The following PIK3CD variants were observed in gnomAD, a reference collection of about 807,000 sequenced individuals.
PIK3CD encodes phosphatidylinositol-4,5-bisphosphate 3-kinase catalytic subunit delta.
A neutral mutation model predicts 122.9 loss-of-function variants in PIK3CD; 20 were observed. The ratio of observed to expected loss-of-function variants is 0.16; its 90% CI spans 0.11 to 0.24. The LOEUF is 0.24. Ranked by LOEUF, PIK3CD falls within the 10% of genes least tolerant of loss-of-function variation. PIK3CD has a pLI of 1.00. For missense variants in PIK3CD, 787 were observed against 1,406.3 expected (o/e 0.56, Z 7.04); for synonymous variants, 596 against 593.4 (o/e 1.00, Z -0.06).
At chr1:9,649,124 A>C (rs201037445), upstream of PIK3CD, among the ~76,000 whole-genome samples, 2 of 97,604 alleles carry the variant, frequency 2.0e-5, no homozygotes, top group Admixed American at 1.0e-4. Context: ...AACAAACAAA[A>C]AAAGCAAAAA....
Position 9,710,660 on chromosome 1 carries a change from GATAGAC to G in PIK3CD, c.141+66_141+71del. The G allele has an allele frequency of 6.9e-7, 1 of 1,443,748 alleles. No homozygotes were observed. Among genetic ancestry groups the G allele is most frequent in the Non-Finnish European group, 9.7e-7 (1 of 1,035,642 alleles). 89.4% of individuals were successfully genotyped at this position (1,443,748 alleles called of 1,614,324 possible). A position where few individuals can be genotyped will look rare whatever the true frequency, so the allele number is the denominator to read the frequency against. On this transcript the variant is annotated intron_variant, in intron 3 of 23. Coordinates refer to ENST00000377346, the MANE Select transcript of PIK3CD (RefSeq NM_005026.5). This position sits in a 1 kb window ranked among gnomAD's most constrained non-coding sequence, Gnocchi z 4.7. ...AGAGAGAGAGAGAGAGAGAGACACA[GATAGAC>G]AGACAGACAGACAGACAGATGGACA...
chr1:9,669,744 C>T (rs530654938), intron 1 of PIK3CD, among the ~76,000 whole-genome samples: 1 of 152,222 alleles, frequency 6.6e-6, no homozygotes, highest in South Asian at 2.1e-4. Context: ...CTCTTTACTG[C>T]TGACCTGCTG....
At chr1:9,711,967 G>C (rs1348790498) in intron 3 of PIK3CD, among the ~76,000 whole-genome samples, 16 of 151,536 alleles carry the variant, frequency 1.1e-4, no homozygotes, top group Admixed American at 1.1e-3. Flanking sequence ...CGCCATCTCG[G>C]CTCGCTGCAA....
In PIK3CD at chr1:9,728,621, G is replaced by C. The variant is rs1342717389; in HGVS notation, c.*1575G>C. 2 of 152,280 alleles carry C rather than the reference G, an allele frequency of 1.3e-5. No individual in the cohort carries two copies. Among genetic ancestry groups the C allele is most frequent in the African/African-American group, 4.8e-5 (2 of 41,476 alleles). The allele number at this position is 152,280 out of a possible 1,614,324, so 9.4% of individuals were successfully genotyped here. A position where few individuals can be genotyped will look rare whatever the true frequency, so the allele number is the denominator to read the frequency against. The stretch of plus-strand genomic sequence containing the variant: ...CTCCCTGGCCACACGCCTGTTCCCA[G>C]CAAGTGCTGAAACTCACTAGACCGT... On this transcript the variant is annotated 3_prime_UTR_variant, in exon 24 of 24. Coordinates refer to ENST00000377346, the MANE Select transcript of PIK3CD (RefSeq NM_005026.5).
chr1:9,715,244 C>T lies in PIK3CD; in HGVS notation c.142-297C>T, dbSNP rs1056180668. ...GGGCTGCATGAAGGTCATGGCCCCC[C>T]GTCTCTGGAGTGACCTAGGGTGGTC... On this transcript the variant is annotated intron_variant, in intron 3 of 23. Transcript: ENST00000377346. The surrounding 1 kb of genome is among the most constrained non-coding windows in gnomAD (Gnocchi z 4.1). 6.6e-6 allele frequency among the ~76,000 whole-genome samples: 1 copy of T among 152,188 alleles called. No homozygotes were observed. The highest frequency in any genetic ancestry group is 2.4e-5 in the African/African-American group (1 of 41,450).
In PIK3CD at chr1:9,655,885, C is replaced by T. The variant is rs552405427; in HGVS notation, c.-138+4083C>T. Among the ~76,000 whole-genome samples the T allele has an allele frequency of 3.9e-5, 6 of 152,010 alleles. 1 individual carries two copies. Among genetic ancestry groups the T allele is most frequent in the African/African-American group, 9.6e-5 (4 of 41,460 alleles). On this transcript the variant is annotated intron_variant, in intron 1 of 23. Coordinates refer to ENST00000377346, the MANE Select transcript of PIK3CD (RefSeq NM_005026.5). ...CTATTTTTAGTATTTTTAGCAGTGA[C>T]GGTGTTTTGCCATGTTGGCCAGGCT...
At chr1:9,662,797 TC>T (rs1645046237) in intron 1 of PIK3CD, among the ~76,000 whole-genome samples, 1 of 152,098 alleles carries the variant, frequency 6.6e-6, no homozygotes, top group African/African-American at 2.4e-5. Context: ...CTAGCAATTC[TC>T]CTGTCTCAGC....
chr1:9,684,256 G>C (rs371199749), intron 1 of PIK3CD, among the ~76,000 whole-genome samples: 2 of 152,142 alleles, frequency 1.3e-5, no homozygotes, highest in Non-Finnish European at 2.9e-5. Context: ...AGCAATGCAG[G>C]CTGGGCGCAG....
At chr1:9,682,360 T>C (rs542649649) in intron 1 of PIK3CD, among the ~76,000 whole-genome samples, 1 of 152,034 alleles carries the variant, frequency 6.6e-6, no homozygotes, top group South Asian at 2.1e-4. Context: ...TGTCTCAGCC[T>C]CCTGAGTAGC....
At chr1:9,634,146 GTT>G in the PIK3CD span, among the ~76,000 whole-genome samples, 15 of 116,670 alleles carry the variant, frequency 1.3e-4, no homozygotes, top group Admixed American at 7.7e-4. Context: ...TAATTTTTGG[GTT>G]GTTTTTTTTT....
Position 9,723,254 on chromosome 1 carries a change from G to A in PIK3CD, c.2556G>A (p.Lys852=), listed in dbSNP as rs764701569. 1 of 1,614,034 alleles carries A rather than the reference G, an allele frequency of 6.2e-7. No homozygotes were observed. The highest frequency in any genetic ancestry group is 1.1e-5 in the South Asian group (1 of 91,082). ...TGGCAGCCACAGCCGCCTTCAACAA[G>A]GATGCCCTGCTCAACTGGCTGAAGT... is the stretch of plus-strand genomic sequence containing the variant. ...SNMAATAAFN[K]DALLNWLKSK... Residue 852 remains lysine (K), a synonymous_variant, in exon 20 of 24, where the codon AAG becomes AAA. Coordinates refer to ENST00000377346, the MANE Select transcript of PIK3CD (RefSeq NM_005026.5). This position sits in a 1 kb window ranked among gnomAD's most constrained non-coding sequence, Gnocchi z 4.9.
the PIK3CD span, among the ~76,000 whole-genome samples, chr1:9,642,496 T>C: frequency 6.7e-6 from 1 of 148,746 alleles, no homozygotes; most frequent in Non-Finnish European, 1.5e-5. Context: ...GGCGGGTGGA[T>C]CACGAGGTCA....
chr1:9,671,340 C>A lies in PIK3CD; in HGVS notation c.-138+19538C>A, dbSNP rs1296534906. Reference sequence around the variant, plus strand: ...TCTCCAACTCCTGGGCCCAAGAGATCCACCCACCTTGGCCTTCCAAAGTGC... The same window carrying A: ...TCTCCAACTCCTGGGCCCAAGAGATACACCCACCTTGGCCTTCCAAAGTGC... On this transcript the variant is annotated intron_variant, in intron 1 of 23. Coordinates refer to ENST00000377346, the MANE Select transcript of PIK3CD (RefSeq NM_005026.5). 2.6e-5 allele frequency among the ~76,000 whole-genome samples: 4 copies of A among 152,190 alleles called. No individual in the cohort carries two copies. The South Asian group carries it at 6.2e-4, about 24-fold the overall frequency.
At chr1:9,647,248 T>C (rs936456915), upstream of PIK3CD, among the ~76,000 whole-genome samples, 2 of 150,748 alleles carry the variant, frequency 1.3e-5, no homozygotes, top group African/African-American at 4.9e-5. Flanking sequence ...ACCCTGTCTC[T>C]ACAAAAAAAT....
At position 9,715,836 on chromosome 1, in the gene PIK3CD, C is replaced by A. The variant is rs778337244; in HGVS notation, c.371-13C>A. ...CTGCCCCACCCGCTGACCCAGCCCTCCCCACCCCGCAGGCCTCCACGAGTT... is the reference window on the plus strand; with the variant it reads ...CTGCCCCACCCGCTGACCCAGCCCTACCCACCCCGCAGGCCTCCACGAGTT... On this transcript the variant is annotated splice_polypyrimidine_tract_variant and intron_variant, in intron 4 of 23. Coordinates refer to ENST00000377346, the MANE Select transcript of PIK3CD (RefSeq NM_005026.5). The surrounding 1 kb of genome is among the most constrained non-coding windows in gnomAD (Gnocchi z 4.1). 1.2e-6 allele frequency: 2 copies of A among 1,602,030 alleles called. No homozygotes were observed. Among genetic ancestry groups the A allele is most frequent in the Admixed American group, 3.3e-5 (2 of 59,946 alleles).
chr1:9,725,973 A>G (rs1649494003), intron 23 of PIK3CD, among the ~76,000 whole-genome samples: 1 of 152,096 alleles, frequency 6.6e-6, no homozygotes, highest in Non-Finnish European at 1.5e-5. Context: ...GCACTTTGGG[A>G]GGCTGAGGCA....
the PIK3CD span, among the ~76,000 whole-genome samples, chr1:9,636,948 A>T: frequency 6.6e-6 from 1 of 150,986 alleles, no homozygotes; most frequent in African/African-American, 2.4e-5. Flanking sequence ...CCCAGGCTGG[A>T]ATGCAGTGGC....
intron 1 of PIK3CD, among the ~76,000 whole-genome samples, chr1:9,675,430 C>T (rs1356834064): frequency 2.0e-5 from 3 of 148,568 alleles, no homozygotes; most frequent in Non-Finnish European, 4.5e-5. Context: ...TTGGTAAGTA[C>T]TACTGTGATT....
intron 1 of PIK3CD, among the ~76,000 whole-genome samples, chr1:9,685,422 G>A (rs1259711680): frequency 2.6e-5 from 4 of 151,422 alleles, no homozygotes; most frequent in African/African-American, 7.3e-5. Flanking sequence ...GCAGTGGCTC[G>A]ATCTGGGCTC....
Sources: gnomAD v4.1 joint callset for allele counts (sites outside exome capture counted in the v4.1 genomes callset) on GRCh38, gnomAD v4.1.1 for gene constraint, Gnocchi (gnomAD v3.1) non-coding constraint, MANE v1.5 for transcripts, NCBI Gene and HGNC (gene_info 2026-07-23, HGNC 2026-07-21) for gene names.